NOL10: variants seen among roughly 807,000 people sequenced by gnomAD.
NOL10 encodes nucleolar protein 10, also known as H_NH0074G24.1.
Under a neutral mutation model 103.5 loss-of-function variants are expected in NOL10, and 58 were observed. The observed-to-expected ratio is 0.56, with a 90% CI of 0.45 to 0.70. The LOEUF (loss-of-function observed/expected upper bound fraction) is 0.70, where lower values mean the gene tolerates loss of function less well. Among genes scored for constraint, NOL10 ranks in the 30% least tolerant of loss-of-function variants. The pLI, the probability that NOL10 is intolerant of heterozygous loss-of-function variation, is 0.00. For synonymous variants in NOL10, 287 were observed against 282.5 expected, an observed-to-expected ratio of 1.02 and a Z score of -0.16; for missense variants, 763 against 807.3, an observed-to-expected ratio of 0.95 and a Z score of 0.67.
chr2:10,618,931 T>C (rs573915400), intron 13 of NOL10, among the ~76,000 whole-genome samples: 1 of 152,340 alleles, frequency 6.6e-6, no homozygotes, highest in South Asian at 2.1e-4. Flanking sequence ...TAACATTTAC[T>C]TGAGGAGCTG....
chr2:10,619,852 T>C (rs1382101615), intron 13 of NOL10, among the ~76,000 whole-genome samples: 1 of 152,202 alleles, frequency 6.6e-6, no homozygotes, highest in African/African-American at 2.4e-5. Flanking sequence ...ATATTACACT[T>C]GAATTCCAGT....
chr2:10,596,308 C>T (rs548154988), intron 17 of NOL10, among the ~76,000 whole-genome samples: 39 of 147,694 alleles, frequency 2.6e-4, no homozygotes, highest in African/African-American at 8.1e-4. Flanking sequence ...AAGCGCATTA[C>T]ATTTATTGTG....
At chr2:10,661,772 C>T (rs1680225404) in intron 9 of NOL10, among the ~76,000 whole-genome samples, 1 of 152,108 alleles carries the variant, frequency 6.6e-6, no homozygotes, top group Admixed American at 6.6e-5. Context: ...CTATCCAACA[C>T]TTACACTTAC....
chr2:10,643,522 G>C (rs1443799732), intron 13 of NOL10, among the ~76,000 whole-genome samples: 1 of 152,142 alleles, frequency 6.6e-6, no homozygotes, highest in African/African-American at 2.4e-5. Flanking sequence ...AACTTAAAGG[G>C]AAGGGTGGGA....
intron 13 of NOL10, among the ~76,000 whole-genome samples, chr2:10,609,832 T>C (rs1676460453): frequency 6.6e-6 from 1 of 152,238 alleles, no homozygotes; most frequent in Admixed American, 6.5e-5. Context: ...TTTTTTAGAA[T>C]ATAATATCCA....
intron 14 of NOL10, among the ~76,000 whole-genome samples, chr2:10,606,395 T>C (rs1572276637): frequency 6.6e-6 from 1 of 151,866 alleles, no homozygotes; most frequent in African/African-American, 2.4e-5. Context: ...GAGGCTGAGG[T>C]GGGTGGATCA....
intron 12 of NOL10, among the ~76,000 whole-genome samples, chr2:10,648,149 G>A (rs188248543): frequency 5.2e-4 from 79 of 152,336 alleles, no homozygotes; most frequent in African/African-American, 1.9e-3. Context: ...CCCTGAACAA[G>A]GCAGGAAGGC....
chr2:10,676,952 T>A (rs937372810), intron 3 of NOL10, among the ~76,000 whole-genome samples: 5 of 145,782 alleles, frequency 3.4e-5, no homozygotes, highest in African/African-American at 1.3e-4. Context: ...TTTTTTTTTT[T>A]CTTTGAAATG....
intron 12 of NOL10, among the ~76,000 whole-genome samples, chr2:10,652,595 A>C (rs932528625): frequency 2.0e-5 from 3 of 151,968 alleles, no homozygotes; most frequent in South Asian, 4.1e-4. Context: ...TCTCTTCCAT[A>C]CTTCAAAAAC....
intron 3 of NOL10, among the ~76,000 whole-genome samples, chr2:10,679,762 T>C (rs1681598676): frequency 6.6e-6 from 1 of 151,942 alleles, no homozygotes; most frequent in Non-Finnish European, 1.5e-5. Context: ...GTAGCTGGAA[T>C]TACAGGTCCA....
At chr2:10,594,658 G>A (rs1675570549) in intron 17 of NOL10, among the ~76,000 whole-genome samples, 1 of 152,122 alleles carries the variant, frequency 6.6e-6, no homozygotes, top group Non-Finnish European at 1.5e-5. Flanking sequence ...GATTGAACAA[G>A]AAATGCAGTC....
At chr2:10,648,423 G>A (rs1281656140) in intron 12 of NOL10, among the ~76,000 whole-genome samples, 2 of 152,154 alleles carry the variant, frequency 1.3e-5, no homozygotes, top group Non-Finnish European at 2.9e-5. Context: ...AAGAAGGGGC[G>A]CCTACGGGTC....
At chr2:10,608,879 A>G (rs760135046) in intron 13 of NOL10, among the ~76,000 whole-genome samples, 1 of 152,240 alleles carries the variant, frequency 6.6e-6, no homozygotes, top group Admixed American at 6.5e-5. Context: ...CAGAAACTTC[A>G]TATTAGTGCA....
Position 10,679,180 on chromosome 2 carries a change from A to G in NOL10, c.211+2791T>C, listed in dbSNP as rs1338557399. Among the ~76,000 whole-genome samples the G allele has an allele frequency of 3.9e-5, 6 of 152,062 alleles. No individual in the cohort carries two copies. The South Asian group carries it at 8.3e-4, about 21-fold the overall frequency. On this transcript the variant is annotated intron_variant, in intron 3 of 20. Transcript: ENST00000381685. ...TTCAAGACCAGCCTGACCAACATGAAGAAACCCCATCTCTACTAAAAATAC... is the reference window on the plus strand; with the variant it reads ...TTCAAGACCAGCCTGACCAACATGAGGAAACCCCATCTCTACTAAAAATAC...
chr2:10,619,022 C>T (rs1474264116), intron 13 of NOL10, among the ~76,000 whole-genome samples: 1 of 152,148 alleles, frequency 6.6e-6, no homozygotes, highest in African/African-American at 2.4e-5. Flanking sequence ...GGTTTATAAA[C>T]TTTGAACTTA....
chr2:10,603,546 C>T (rs911829914), intron 14 of NOL10, among the ~76,000 whole-genome samples: 5 of 152,124 alleles, frequency 3.3e-5, no homozygotes, highest in Non-Finnish European at 2.9e-5. Flanking sequence ...ACATTGTCAT[C>T]GACCATTTGC....
At chr2:10,609,326 G>A (rs745882053) in intron 13 of NOL10, among the ~76,000 whole-genome samples, 1 of 150,436 alleles carries the variant, frequency 6.6e-6, no homozygotes, top group Non-Finnish European at 1.5e-5. Context: ...GGTGGCTCAC[G>A]CCTGTAATCC....
At chr2:10,573,054 G>C (rs7571318) in intron 20 of NOL10, among the ~76,000 whole-genome samples, 1 of 150,844 alleles carries the variant, frequency 6.6e-6, no homozygotes, top group Non-Finnish European at 1.5e-5. Context: ...AACTCCTGAA[G>C]GTAAAGCTCA....
At chr2:10,621,623 G>T (rs1329581245) in intron 13 of NOL10, among the ~76,000 whole-genome samples, 1 of 152,012 alleles carries the variant, frequency 6.6e-6, no homozygotes, top group African/African-American at 2.4e-5. Context: ...ATTAACTTTG[G>T]GCTTCTAGGC....
Sources: gnomAD v4.1 joint callset for allele counts (sites outside exome capture counted in the v4.1 genomes callset) on GRCh38, gnomAD v4.1.1 for gene constraint, MANE v1.5 for transcripts, NCBI Gene and HGNC (gene_info 2026-07-23, HGNC 2026-07-21) for gene names.